RBFOX1: variants seen among roughly 807,000 people sequenced by gnomAD.
The protein encoded by RBFOX1 is RNA binding fox-1 homolog 1.
In RBFOX1, 8 loss-of-function variants were observed where a neutral mutation model predicts 57.7. The observed-to-expected ratio is 0.14, with a 90% CI of 0.08 to 0.25. The LOEUF (loss-of-function observed/expected upper bound fraction) is 0.25. Ranked by LOEUF, RBFOX1 falls within the 10% of genes least tolerant of loss-of-function variation. RBFOX1 has a pLI of 1.00. For synonymous variants in RBFOX1, 326 were observed against 222.4 expected (o/e 1.47, Z -4.15); for missense variants, 611 against 548.5 (o/e 1.11, Z -1.14).
intron 2 of RBFOX1, among the ~76,000 whole-genome samples, chr16:5,496,342 G>T (rs1472651606): frequency 1.3e-5 from 2 of 152,016 alleles, no homozygotes; most frequent in Non-Finnish European, 2.9e-5. Flanking sequence ...CTGGCATTTG[G>T]GGACCTCCCT....
chr16:7,601,864 AT>A (rs1218016603), intron 9 of RBFOX1, among the ~76,000 whole-genome samples: 14 of 152,314 alleles, frequency 9.2e-5, no homozygotes, highest in Admixed American at 9.2e-4. Flanking sequence ...AATTTTGGCA[AT>A]AAATACACGC....
At chr16:5,891,954 G>C (rs991605033) in intron 4 of RBFOX1, among the ~76,000 whole-genome samples, 3 of 152,166 alleles carry the variant, frequency 2.0e-5, no homozygotes, top group African/African-American at 7.2e-5. Flanking sequence ...GTCTCTTGTG[G>C]GACAAACTCT....
At chr16:7,238,327 T>TA (rs71147675) in intron 4 of RBFOX1, among the ~76,000 whole-genome samples, 2,937 of 131,292 alleles carry the variant, frequency 0.022, 92 homozygotes, top group African/African-American at 0.096. Flanking sequence ...CTTAAAATGG[T>TA]AAAAAAAAAA....
chr16:6,500,420 T>C (rs1306979749), intron 2 of RBFOX1, among the ~76,000 whole-genome samples: 1 of 152,154 alleles, frequency 6.6e-6, no homozygotes, highest in African/African-American at 2.4e-5. Context: ...TATGATATTG[T>C]TAAGTCACAC....
chr16:5,753,141 C>G (rs548312385), intron 3 of RBFOX1, among the ~76,000 whole-genome samples: 2 of 151,438 alleles, frequency 1.3e-5, no homozygotes, highest in East Asian at 3.9e-4. Flanking sequence ...GCATGGGCAG[C>G]AGAACAAAAC....
At chr16:5,679,058 A>G (rs979772486) in intron 3 of RBFOX1, among the ~76,000 whole-genome samples, 8 of 152,248 alleles carry the variant, frequency 5.3e-5, no homozygotes, top group African/African-American at 1.9e-4. Context: ...AATCACTTTT[A>G]TGAAACCTGC....
At chr16:6,667,010 A>T (rs538336840) in intron 3 of RBFOX1, among the ~76,000 whole-genome samples, 1 of 152,218 alleles carries the variant, frequency 6.6e-6, no homozygotes, top group East Asian at 1.9e-4. Context: ...CCTGCCTTTT[A>T]TATTTGATTC....
intron 4 of RBFOX1, among the ~76,000 whole-genome samples, chr16:5,931,195 C>T (rs1466146676): frequency 6.6e-5 from 10 of 152,188 alleles, no homozygotes; most frequent in Admixed American, 2.0e-4. Flanking sequence ...GCTCCAACCA[C>T]ATCAATCATC....
intron 3 of RBFOX1, among the ~76,000 whole-genome samples, chr16:6,919,642 TTGA>T (rs1244677145): frequency 1.3e-5 from 2 of 152,104 alleles, no homozygotes; most frequent in Non-Finnish European, 1.5e-5. Flanking sequence ...GTCCTTTTTG[TTGA>T]TGGAGAGATA....
At chr16:5,945,225 C>T (rs1051916875) in intron 4 of RBFOX1, among the ~76,000 whole-genome samples, 1 of 152,168 alleles carries the variant, frequency 6.6e-6, no homozygotes, top group African/African-American at 2.4e-5. Flanking sequence ...GATAAAAAAG[C>T]TGCCTGGCCC....
At chr16:6,491,074 A>G (rs1441284218) in intron 2 of RBFOX1, among the ~76,000 whole-genome samples, 1 of 152,174 alleles carries the variant, frequency 6.6e-6, no homozygotes, top group East Asian at 1.9e-4. Flanking sequence ...ATCTATTAGT[A>G]TGCAGTACTA....
At chr16:6,678,588 TC>T (rs1180146197) in intron 3 of RBFOX1, among the ~76,000 whole-genome samples, 9 of 151,304 alleles carry the variant, frequency 5.9e-5, no homozygotes, top group African/African-American at 2.2e-4. Flanking sequence ...CACAAGTGTT[TC>T]TATTTTGACA....
chr16:6,808,868 C>A (rs35917832), intron 3 of RBFOX1, among the ~76,000 whole-genome samples: 18,695 of 152,128 alleles, frequency 0.12, 1,373 homozygotes, highest in Non-Finnish European at 0.15. Context: ...TCCTGTAACA[C>A]CTTTAGCAGG....
chr16:5,756,246 A>T (rs945764190), intron 3 of RBFOX1, among the ~76,000 whole-genome samples: 1 of 150,406 alleles, frequency 6.6e-6, no homozygotes, highest in East Asian at 1.9e-4. Context: ...AAAAAAAAAA[A>T]AACCCTGCAC....
At chr16:7,148,801 G>C (rs1206427490) in intron 4 of RBFOX1, among the ~76,000 whole-genome samples, 1 of 152,180 alleles carries the variant, frequency 6.6e-6, no homozygotes, top group Non-Finnish European at 1.5e-5. Context: ...GGCAGCCCCA[G>C]GCACTTGCCC....
chr16:6,994,691 C>A (rs1010265905), intron 3 of RBFOX1, among the ~76,000 whole-genome samples: 10 of 152,126 alleles, frequency 6.6e-5, no homozygotes, highest in African/African-American at 2.4e-4. Flanking sequence ...CCGAAAGGAT[C>A]CTGGTTGTAT....
At chr16:7,682,653 G>C (rs1002190725) in intron 14 of RBFOX1, among the ~76,000 whole-genome samples, 6 of 150,974 alleles carry the variant, frequency 4.0e-5, no homozygotes, top group African/African-American at 1.2e-4. Context: ...TAAGAATGTA[G>C]CAGAAATGAG....
intron 2 of RBFOX1, among the ~76,000 whole-genome samples, chr16:6,397,672 C>A (rs1191365326): frequency 6.6e-6 from 1 of 152,128 alleles, no homozygotes; most frequent in African/African-American, 2.4e-5. Context: ...ATATATGTAA[C>A]TGTGTAAAGA....
intron 4 of RBFOX1, among the ~76,000 whole-genome samples, chr16:6,012,398 A>C (rs1337178194): frequency 6.6e-6 from 1 of 152,210 alleles, no homozygotes; most frequent in East Asian, 1.9e-4. Context: ...GCTTTAGAAC[A>C]GTGGTTCCTA....
Sources: allele counts gnomAD v4.1 joint callset (sites outside exome capture counted in the v4.1 genomes callset), GRCh38; gene constraint gnomAD v4.1.1; transcripts MANE v1.5; gene names NCBI Gene and HGNC (gene_info 2026-07-23, HGNC 2026-07-21).